Variants in NLRP5 observed in about 807,000 individuals in gnomAD.
NLRP5 encodes the protein NLR family pyrin domain containing 5, also known as NACHT, LRR and PYD domains-containing protein 5.
NLRP5 carries 93 observed loss-of-function variants against 113.1 expected under a neutral mutation model. The observed-to-expected ratio is 0.82, with a 90% CI of 0.70 to 0.98. The LOEUF (loss-of-function observed/expected upper bound fraction) is 0.98. Ranked by LOEUF, NLRP5 falls within the 50% of genes least tolerant of loss-of-function variation. The pLI is 0.00. For missense variants in NLRP5, 1,808 were observed against 1,514.3 expected, an observed-to-expected ratio of 1.19 and a Z score of -3.22; for synonymous variants, 751 against 600.7, an observed-to-expected ratio of 1.25 and a Z score of -3.66.
rs1432800303 is a variant in NLRP5 at position 56,053,612 on chromosome 19, C to T, written c.3129-26C>T. ...TTCCACTTTCCTCGAGAGAGGCAGA[C>T]TCTCTCTATTCCCCGCCTCTTGCAG... On this transcript the variant is annotated intron_variant, in intron 12 of 14. Transcript: ENST00000390649. 8.8e-6 allele frequency: 14 copies of T among 1,598,862 alleles called. No individual in the cohort carries two copies. The Admixed American group carries it at 2.4e-4, about 27-fold the overall frequency.
At chr19:55,999,676 G>C (rs1255476415), upstream of NLRP5, 5 of 1,399,904 alleles carry the variant, frequency 3.6e-6, no homozygotes, top group Non-Finnish European at 3.0e-6. Flanking sequence ...CCAGCTTCCA[G>C]AGGAGAGCCC....
chr19:55,999,807 T>C (rs1291140605), intron 1 of NLRP5: 16 of 1,598,504 alleles, frequency 1.0e-5, no homozygotes, highest in Non-Finnish European at 1.3e-5. Flanking sequence ...CTCTTAGAGT[T>C]ACCTATGAGG....
At chr19:56,048,977 TAA>T (rs1166594847) in intron 11 of NLRP5, among the ~76,000 whole-genome samples, 4 of 115,384 alleles carry the variant, frequency 3.5e-5, no homozygotes, top group African/African-American at 6.6e-5. Context: ...TTTTTTTTTT[TAA>T]TTTTTTTTTT....
At chr19:55,988,600 C>T in the NLRP5 span, 1 of 149,576 alleles carries the variant, frequency 6.7e-6, no homozygotes, top group South Asian at 2.2e-4. Context: ...TCAATCACCT[C>T]ATCTTAAAAA....
At chr19:56,046,505 T>C (rs931083540) in intron 11 of NLRP5, among the ~76,000 whole-genome samples, 1 of 151,846 alleles carries the variant, frequency 6.6e-6, no homozygotes, top group Non-Finnish European at 1.5e-5. Context: ...CTTCTTTCTC[T>C]ATCTTGTGGA....
At chr19:56,026,016 T>A (rs1025215223) in intron 6 of NLRP5, among the ~76,000 whole-genome samples, 2 of 151,988 alleles carry the variant, frequency 1.3e-5, no homozygotes, top group Non-Finnish European at 2.9e-5. Flanking sequence ...GCGTAACCCA[T>A]CAGGTCCCCA....
intron 6 of NLRP5, among the ~76,000 whole-genome samples, chr19:56,021,638 G>C (rs144538861): frequency 1.3e-5 from 2 of 152,170 alleles, no homozygotes; most frequent in Non-Finnish European, 2.9e-5. Flanking sequence ...CCGTGTTCCA[G>C]TGTCTATCAG....
intron 3 of NLRP5, among the ~76,000 whole-genome samples, 190 bp downstream of exon 3, chr19:56,009,043 G>A (rs1982068641): frequency 6.6e-6 from 1 of 152,080 alleles, no homozygotes; most frequent in African/African-American, 2.4e-5. Context: ...AAGTTGAAGA[G>A]TTCTGTGGCC....
At chr19:56,059,406 CAG>C (rs1486783583) in intron 14 of NLRP5, among the ~76,000 whole-genome samples, 1 of 152,200 alleles carries the variant, frequency 6.6e-6, no homozygotes, top group Non-Finnish European at 1.5e-5. Flanking sequence ...CGTAGACTAA[CAG>C]GAGTTCAGAG....
intron 14 of NLRP5, among the ~76,000 whole-genome samples, chr19:56,060,456 G>T: frequency 6.6e-6 from 1 of 152,036 alleles, no homozygotes; most frequent in Admixed American, 6.6e-5. Flanking sequence ...CGTTGTTATA[G>T]CAATGACTCT....
chr19:56,008,912 T>C lies in NLRP5; in HGVS notation c.508+59T>C, dbSNP rs1468571293. On this transcript the variant is annotated intron_variant, in intron 3 of 14. Coordinates refer to ENST00000390649, the MANE Select transcript of NLRP5 (RefSeq NM_153447.4). Reference sequence around the variant, plus strand: ...GCTTAAAGACACATGGCAGCCAGTTTGCATCTCTAGGCATTAGAACCATGA... The same window carrying C: ...GCTTAAAGACACATGGCAGCCAGTTCGCATCTCTAGGCATTAGAACCATGA... 4 of 1,451,536 alleles carry C rather than the reference T, an allele frequency of 2.8e-6. No individual in the cohort carries two copies. In the African/African-American group the frequency reaches 5.6e-5, roughly 20 times the overall value. 89.9% of individuals were successfully genotyped at this position (1,451,536 alleles called of 1,614,324 possible).
chr19:55,989,711 T>G, the NLRP5 span, among the ~76,000 whole-genome samples: 1 of 152,192 alleles, frequency 6.6e-6, no homozygotes, highest in Non-Finnish European at 1.5e-5. Flanking sequence ...TGGGGCAACT[T>G]TCTGTGCTGA....
upstream of NLRP5, among the ~76,000 whole-genome samples, chr19:55,999,491 C>A (rs920610652): frequency 1.3e-5 from 2 of 152,044 alleles, no homozygotes; most frequent in African/African-American, 4.8e-5. Context: ...TAAGCCTGAG[C>A]GCTTGTGTAC....
chr19:56,058,304 C>G lies in NLRP5; in HGVS notation c.3364C>G (p.Arg1122Gly), dbSNP rs377106127. The G allele has an allele frequency of 3.7e-6, 6 of 1,613,906 alleles. No individual in the cohort carries two copies. Among genetic ancestry groups the G allele is most frequent in the Non-Finnish European group, 5.1e-6 (6 of 1,179,830 alleles). ...ACTCTCCTTGGCCCTTTCCTGCAAC[C>G]GGCATCTGACCAGTCTAAACCTGGT... The change falls in exon 14 of 15, where the codon CGG becomes GGG. Residue 1122 changes from arginine (R) to glycine (G), a missense_variant. Physicochemically the swap from Arg to Gly is moderately radical, Grantham distance 125. Coordinates refer to ENST00000390649, the MANE Select transcript of NLRP5 (RefSeq NM_153447.4).
chr19:56,024,515 GTATGTA>G (rs1410949391), intron 6 of NLRP5, among the ~76,000 whole-genome samples: 4 of 50,506 alleles, frequency 7.9e-5, no homozygotes, highest in African/African-American at 1.9e-4. Flanking sequence ...ATGTATATGT[GTATGTA>G]TATGTATACA....
chr19:56,017,516 C>G (rs950666684), intron 4 of NLRP5, among the ~76,000 whole-genome samples: 1 of 152,008 alleles, frequency 6.6e-6, no homozygotes, highest in Non-Finnish European at 1.5e-5. Context: ...CTTTTGTTTC[C>G]CCTTTGACCT....
chr19:56,038,250 T>A, intron 10 of NLRP5, 55 bp downstream of exon 10: 1 of 1,545,392 alleles, frequency 6.5e-7, no homozygotes, highest in Non-Finnish European at 8.9e-7. Context: ...AGGATTATCG[T>A]AACTTCGATT....
chr19:56,044,962 T>C (rs1983668808), intron 11 of NLRP5, among the ~76,000 whole-genome samples: 1 of 152,192 alleles, frequency 6.6e-6, no homozygotes. Context: ...TTGTGTTGTG[T>C]TGTGTTTTGC....
intron 11 of NLRP5, 138 bp downstream of exon 11, chr19:56,041,230 A>G (rs981676923): frequency 6.3e-6 from 5 of 797,394 alleles, no homozygotes; most frequent in Non-Finnish European, 8.1e-6. Context: ...AATTCTGTCC[A>G]TGTCTCCTAG....
Sources: allele counts gnomAD v4.1 joint callset (sites outside exome capture counted in the v4.1 genomes callset), GRCh38; gene constraint gnomAD v4.1.1; transcripts MANE v1.5; gene names NCBI Gene and HGNC (gene_info 2026-07-23, HGNC 2026-07-21).